B3GALT1: variants seen among roughly 807,000 people sequenced by gnomAD.
B3GALT1 encodes the protein beta-1,3-galactosyltransferase 1, also known as UDP-Gal:betaGlcNAc beta 1,3-galactosyltransferase, polypeptide 1.
A neutral mutation model predicts 23.2 loss-of-function variants in B3GALT1; 10 were observed. The observed-to-expected ratio is 0.43, with a 90% CI of 0.27 to 0.73. The LOEUF (loss-of-function observed/expected upper bound fraction) is 0.73, where lower values mean the gene tolerates loss of function less well. B3GALT1 is among the 30% of genes least tolerant of loss of function. B3GALT1 has a pLI of 0.21. For synonymous variants in B3GALT1, 156 were observed against 141.5 expected (o/e 1.10, Z -0.73); for missense variants, 299 against 405.4 (o/e 0.74, Z 2.25).
At chr2:167,796,757 T>C (rs1443056420) in intron 3 of B3GALT1, among the ~76,000 whole-genome samples, 2 of 152,100 alleles carry the variant, frequency 1.3e-5, no homozygotes, top group South Asian at 4.2e-4. Flanking sequence ...CCTCAAAAAA[T>C]AATAATAATA....
intron 2 of B3GALT1, among the ~76,000 whole-genome samples, chr2:167,634,930 C>A (rs1685521753): frequency 6.6e-6 from 1 of 152,128 alleles, no homozygotes; most frequent in African/African-American, 2.4e-5. Context: ...CCCTGAGGAA[C>A]ATCAATGCAA....
At chr2:167,498,919 T>A (rs779045921) in intron 2 of B3GALT1, among the ~76,000 whole-genome samples, 3 of 152,136 alleles carry the variant, frequency 2.0e-5, no homozygotes, top group African/African-American at 7.2e-5. Flanking sequence ...GAAGAGTGTT[T>A]ACATTTTCAA....
chr2:167,837,354 C>T (rs373574859), intron 4 of B3GALT1, among the ~76,000 whole-genome samples: 1 of 149,022 alleles, frequency 6.7e-6, no homozygotes, highest in African/African-American at 2.4e-5. Flanking sequence ...AAATGGAAAA[C>T]AAAAAAAGGC....
intron 2 of B3GALT1, among the ~76,000 whole-genome samples, chr2:167,609,630 G>A (rs1625491): frequency 0.016 from 2,412 of 152,260 alleles, 86 homozygotes; most frequent in African/African-American, 0.055. Context: ...TCTCTCCTAA[G>A]AGCTAGGAAG....
intron 1 of B3GALT1, among the ~76,000 whole-genome samples, chr2:167,423,265 C>T (rs1000541830): frequency 6.6e-6 from 1 of 152,130 alleles, no homozygotes; most frequent in African/African-American, 2.4e-5. Flanking sequence ...GGGTACTGAG[C>T]CAGTGTCAGC....
At chr2:167,410,081 G>T (rs985538931) in intron 1 of B3GALT1, among the ~76,000 whole-genome samples, 1 of 152,170 alleles carries the variant, frequency 6.6e-6, no homozygotes, top group Admixed American at 6.5e-5. Flanking sequence ...TATACACATG[G>T]AATACTATGC....
At chr2:167,460,970 G>A (rs1490950632) in intron 1 of B3GALT1, among the ~76,000 whole-genome samples, 1 of 152,098 alleles carries the variant, frequency 6.6e-6, no homozygotes, top group African/African-American at 2.4e-5. Context: ...GTTCCTAAAA[G>A]GGGTAAAAAG....
At position 167,690,230 on chromosome 2, in the gene B3GALT1, TA is replaced by T. The variant is rs1449962211; in HGVS notation, c.-352+43265del. On this transcript the variant is annotated intron_variant, in intron 3 of 4. Coordinates refer to ENST00000392690, the MANE Select transcript of B3GALT1 (RefSeq NM_020981.4). Reference sequence around the variant, plus strand: ...TTAAAAAAATCAAAATAAATATTAATACTATAAAATATGAACATTTATAAAC... The same window carrying T: ...TTAAAAAAATCAAAATAAATATTAATCTATAAAATATGAACATTTATAAAC... Among the ~76,000 whole-genome samples, 6 of 151,946 alleles carry T rather than the reference TA, an allele frequency of 3.9e-5. No homozygotes were observed. In the East Asian group the frequency reaches 1.2e-3, roughly 29 times the overall value.
chr2:167,361,212 GTTTTTTTTT>G (rs66780629), intron 1 of B3GALT1, among the ~76,000 whole-genome samples: 1 of 104,214 alleles, frequency 9.6e-6, no homozygotes, highest in South Asian at 3.2e-4. Flanking sequence ...TCCCCCACTA[GTTTTTTTTT>G]TTTTTTTTTT....
chr2:167,503,860 G>T (rs931737721), intron 2 of B3GALT1, among the ~76,000 whole-genome samples: 1 of 152,118 alleles, frequency 6.6e-6, no homozygotes, highest in Non-Finnish European at 1.5e-5. Context: ...AGTGCAATTT[G>T]TTATCTTTGC....
intron 4 of B3GALT1, among the ~76,000 whole-genome samples, chr2:167,861,131 A>G (rs984479224): frequency 6.6e-6 from 1 of 152,210 alleles, no homozygotes; most frequent in Non-Finnish European, 1.5e-5. Context: ...CATGATTTCA[A>G]GTAATGTACA....
intron 3 of B3GALT1, among the ~76,000 whole-genome samples, chr2:167,702,865 G>T (rs1375652088): frequency 1.6e-4 from 24 of 152,214 alleles, no homozygotes. Flanking sequence ...TTACAAAGCA[G>T]ATGTGCTCCC....
intron 4 of B3GALT1, among the ~76,000 whole-genome samples, chr2:167,825,154 G>A (rs1296027335): frequency 2.0e-5 from 3 of 151,778 alleles, no homozygotes; most frequent in East Asian, 3.9e-4. Context: ...GTGTGGTGGC[G>A]GGCACCTGTA....
intron 3 of B3GALT1, among the ~76,000 whole-genome samples, chr2:167,703,291 G>A (rs768881661): frequency 2.0e-5 from 3 of 152,122 alleles, no homozygotes; most frequent in South Asian, 2.1e-4. Flanking sequence ...AATCAACAGG[G>A]CTGCCCTGAC....
intron 1 of B3GALT1, among the ~76,000 whole-genome samples, chr2:167,321,504 C>CA (rs1696809323): frequency 6.6e-6 from 1 of 152,008 alleles, no homozygotes; most frequent in Non-Finnish European, 1.5e-5. Context: ...TGTCAATGCA[C>CA]AGAGAAAATC....
chr2:167,384,774 A>G lies in B3GALT1; in HGVS notation c.-511+91440A>G, dbSNP rs145605033. 1.1e-3 allele frequency among the ~76,000 whole-genome samples: 174 copies of G among 152,252 alleles called. 2 individuals carry two copies. The Middle Eastern group carries it at 0.034, about 30-fold the overall frequency. On this transcript the variant is annotated intron_variant, in intron 1 of 4. Transcript: ENST00000392690. ...TTTTCTTTCTCTCATTGAAGCCAGC[A>G]TTCATGCTGCTGCTTGGATGATGTT...
At chr2:167,595,851 T>C (rs1327970136) in intron 2 of B3GALT1, among the ~76,000 whole-genome samples, 1 of 152,228 alleles carries the variant, frequency 6.6e-6, no homozygotes, top group African/African-American at 2.4e-5. Flanking sequence ...GGTTTGTCTC[T>C]TTCTGTGTTA....
chr2:167,316,454 A>G (rs1559063650), intron 1 of B3GALT1, among the ~76,000 whole-genome samples: 2 of 152,218 alleles, frequency 1.3e-5, no homozygotes, highest in Admixed American at 1.3e-4. Context: ...GAAGAGTGGT[A>G]TCTACCCCTT....
intron 2 of B3GALT1, among the ~76,000 whole-genome samples, chr2:167,549,693 G>A (rs1161686179): frequency 6.6e-6 from 1 of 152,180 alleles, no homozygotes; most frequent in Non-Finnish European, 1.5e-5. Flanking sequence ...ATGTCATTCA[G>A]TGAGTATTTA....
Sources: allele counts gnomAD v4.1 joint callset (sites outside exome capture counted in the v4.1 genomes callset), GRCh38; gene constraint gnomAD v4.1.1; transcripts MANE v1.5; gene names NCBI Gene and HGNC (gene_info 2026-07-23, HGNC 2026-07-21).